TAS2R1: variants seen among roughly 807,000 people sequenced by gnomAD.
TAS2R1 encodes the protein taste 2 receptor member 1, also known as taste receptor type 2 member 1.
For missense variants in TAS2R1, 370 were observed against 353.4 expected (o/e 1.05, Z -0.38); for synonymous variants, 141 against 134.2 (o/e 1.05, Z -0.35).
At chr5:9,745,437 A>T in the TAS2R1 span, among the ~76,000 whole-genome samples, 3 of 152,066 alleles carry the variant, frequency 2.0e-5, no homozygotes, top group African/African-American at 7.2e-5. Context: ...TGAGTATGAA[A>T]ACACCCAGGG....
At chr5:9,666,111 C>T (rs997612841) in intron 1 of TAS2R1, among the ~76,000 whole-genome samples, 4 of 151,646 alleles carry the variant, frequency 2.6e-5, no homozygotes, top group Admixed American at 6.6e-5. Flanking sequence ...TATTTCCAGG[C>T]AGATTATTAG....
At chr5:9,829,821 A>G in the TAS2R1 span, among the ~76,000 whole-genome samples, 1 of 152,226 alleles carries the variant, frequency 6.6e-6, no homozygotes, top group East Asian at 1.9e-4. Context: ...AGCTAAAACC[A>G]CAGGCAGTGT....
At chr5:9,704,968 G>A (rs1375522192) in intron 1 of TAS2R1, among the ~76,000 whole-genome samples, 3 of 152,220 alleles carry the variant, frequency 2.0e-5, no homozygotes, top group African/African-American at 7.2e-5. Flanking sequence ...TTTATTCATT[G>A]CAGGATTATT....
At chr5:9,699,397 C>T (rs564644274) in intron 1 of TAS2R1, among the ~76,000 whole-genome samples, 3 of 152,232 alleles carry the variant, frequency 2.0e-5, no homozygotes, top group African/African-American at 2.4e-5. Context: ...CTTCGAAGGA[C>T]GATTTATTCT....
the TAS2R1 span, among the ~76,000 whole-genome samples, chr5:9,751,647 T>C: frequency 6.6e-6 from 1 of 152,200 alleles, no homozygotes; most frequent in Non-Finnish European, 1.5e-5. Context: ...TGACTCTATA[T>C]AAAGTAAGAG....
chr5:9,900,787 A>AT, the TAS2R1 span, among the ~76,000 whole-genome samples: 8 of 151,188 alleles, frequency 5.3e-5, no homozygotes, highest in South Asian at 2.1e-4. Flanking sequence ...TGCCCGGCTA[A>AT]TTTTTTTTTG....
At chr5:9,898,858 C>G in the TAS2R1 span, among the ~76,000 whole-genome samples, 1 of 152,178 alleles carries the variant, frequency 6.6e-6, no homozygotes, top group Non-Finnish European at 1.5e-5. Flanking sequence ...AACGATCATG[C>G]GCACCACCCA....
At chr5:9,801,172 C>T in the TAS2R1 span, among the ~76,000 whole-genome samples, 2 of 152,302 alleles carry the variant, frequency 1.3e-5, no homozygotes, top group African/African-American at 2.4e-5. Flanking sequence ...GCCTGGGCGA[C>T]AAAGTGAGAG....
chr5:9,640,279 G>T (rs898892710), intron 2 of TAS2R1, among the ~76,000 whole-genome samples: 3 of 151,568 alleles, frequency 2.0e-5, no homozygotes, highest in Non-Finnish European at 4.4e-5. Flanking sequence ...TTGCCATCTT[G>T]TTTGGACACA....
Position 9,628,935 on chromosome 5 carries a change from C to T in TAS2R1, c.*198G>A, listed in dbSNP as rs1739811242. On this transcript the variant is annotated 3_prime_UTR_variant, in exon 1 of 1. Coordinates refer to ENST00000382492, the MANE Select transcript of TAS2R1 (RefSeq NM_019599.3). ...TATTGAAATTGATGTAATCCATCAA[C>T]ATATGTTGTGCTTTCAAAATCAGTT... The T allele has an allele frequency of 2.1e-6, 1 of 483,380 alleles. No individual in the cohort carries two copies. Among genetic ancestry groups the T allele is most frequent in the East Asian group, 3.1e-5 (1 of 32,366 alleles). 29.9% of individuals were successfully genotyped at this position (483,380 alleles called of 1,614,324 possible).
the TAS2R1 span, among the ~76,000 whole-genome samples, chr5:9,788,125 A>G: frequency 4.3e-4 from 65 of 152,336 alleles, no homozygotes; most frequent in African/African-American, 1.5e-3. Flanking sequence ...CCTTCACAGT[A>G]CAGATAAATG....
chr5:9,854,969 A>C, the TAS2R1 span, among the ~76,000 whole-genome samples: 2 of 152,208 alleles, frequency 1.3e-5, no homozygotes, highest in African/African-American at 2.4e-5. Context: ...CTTAGAGAGA[A>C]GTTTATTCAT....
chr5:9,881,051 C>T, the TAS2R1 span, among the ~76,000 whole-genome samples: 4 of 152,134 alleles, frequency 2.6e-5, no homozygotes, highest in Non-Finnish European at 5.9e-5. Flanking sequence ...ACTGCTGGCT[C>T]TGAGGGATCC....
the TAS2R1 span, among the ~76,000 whole-genome samples, chr5:9,734,094 G>C: frequency 6.6e-6 from 1 of 152,212 alleles, no homozygotes; most frequent in African/African-American, 2.4e-5. Flanking sequence ...AATAGGATTA[G>C]TGCCTTTGTA....
chr5:9,721,216 G>A, the TAS2R1 span, among the ~76,000 whole-genome samples: 30,760 of 152,152 alleles, frequency 0.2, 3,420 homozygotes, highest in African/African-American at 0.3. Context: ...ACTATGTGTG[G>A]CATGAAGGCT....
chr5:9,771,906 C>T, the TAS2R1 span, among the ~76,000 whole-genome samples: 8 of 151,562 alleles, frequency 5.3e-5, no homozygotes, highest in African/African-American at 1.5e-4. Flanking sequence ...TTTTTTTCTT[C>T]ATCTGGCTAA....
At position 9,660,540 on chromosome 5, in the gene TAS2R1, G is replaced by A. The variant is rs187128407; in HGVS notation, c.-241-959C>T. 1.3e-3 allele frequency among the ~76,000 whole-genome samples: 202 copies of A among 152,198 alleles called. 2 individuals carry two copies. Among genetic ancestry groups the A allele is most frequent in the African/African-American group, 4.3e-3 (180 of 41,536 alleles). Reference sequence around the variant, plus strand: ...ACATGGGAAATGAAACCCAATGGCCGCAACGTCCTTAAAACCCATGCATCC... The same window carrying A: ...ACATGGGAAATGAAACCCAATGGCCACAACGTCCTTAAAACCCATGCATCC... On this transcript the variant is annotated intron_variant, in intron 1 of 2. Transcript: ENST00000506620.
the TAS2R1 span, among the ~76,000 whole-genome samples, chr5:9,784,611 G>A: frequency 9.9e-5 from 15 of 152,210 alleles, no homozygotes; most frequent in Non-Finnish European, 1.8e-4. Context: ...AAGGTTCAGA[G>A]CTCACAAAAG....
At chr5:9,652,777 C>G (rs1037675599) in intron 2 of TAS2R1, among the ~76,000 whole-genome samples, 3 of 152,056 alleles carry the variant, frequency 2.0e-5, no homozygotes, top group African/African-American at 7.2e-5. Flanking sequence ...TGTATGGTAT[C>G]AACAGAGGTA....
Sources: gnomAD v4.1 joint callset for allele counts (sites outside exome capture counted in the v4.1 genomes callset) on GRCh38, gnomAD v4.1.1 for gene constraint, MANE v1.5 for transcripts, NCBI Gene and HGNC (gene_info 2026-07-23, HGNC 2026-07-21) for gene names.